The following PRR5L variants were observed in gnomAD, a reference collection of about 807,000 sequenced individuals.
The protein encoded by PRR5L is proline-rich protein 5-like.
In PRR5L, 21 loss-of-function variants were observed where a neutral mutation model predicts 36.4. That is an observed-to-expected ratio of 0.58 (90% CI 0.41 to 0.83). PRR5L has a LOEUF of 0.83. Ranked by LOEUF, PRR5L falls within the 40% of genes least tolerant of loss-of-function variation. The pLI is 0.00. For missense variants in PRR5L, 381 were observed against 473.3 expected, an observed-to-expected ratio of 0.80 and a Z score of 1.81; for synonymous variants, 188 against 197.0, an observed-to-expected ratio of 0.95 and a Z score of 0.38.
intron 7 of PRR5L, among the ~76,000 whole-genome samples, chr11:36,447,943 T>G (rs1304836550): frequency 6.6e-6 from 1 of 152,166 alleles, no homozygotes; most frequent in Non-Finnish European, 1.5e-5. Context: ...ATGAGCCCTT[T>G]GGGATTCTGA....
intron 1 of PRR5L, among the ~76,000 whole-genome samples, chr11:36,348,754 T>A (rs1856892440): frequency 6.6e-6 from 1 of 152,154 alleles, no homozygotes; most frequent in Non-Finnish European, 1.5e-5. Flanking sequence ...GTGCCAGATG[T>A]CTTCACAGAT....
At chr11:36,307,074 AG>A (rs1464542613) in intron 1 of PRR5L, among the ~76,000 whole-genome samples, 1 of 152,178 alleles carries the variant, frequency 6.6e-6, no homozygotes, top group East Asian at 1.9e-4. Context: ...AGAAACGGCC[AG>A]GGGGCGACAA....
chr11:36,309,817 A>G (rs553996938), intron 1 of PRR5L, among the ~76,000 whole-genome samples: 2 of 152,194 alleles, frequency 1.3e-5, no homozygotes, highest in South Asian at 4.1e-4. Context: ...AGACTCATCC[A>G]TACTCAACAA....
At chr11:36,340,843 A>T (rs1346846276) in intron 1 of PRR5L, among the ~76,000 whole-genome samples, 1 of 152,216 alleles carries the variant, frequency 6.6e-6, no homozygotes, top group Non-Finnish European at 1.5e-5. Flanking sequence ...AACAAAGTTG[A>T]ACTTGCACTA....
At chr11:36,310,769 T>G (rs928545445) in intron 1 of PRR5L, among the ~76,000 whole-genome samples, 1 of 151,684 alleles carries the variant, frequency 6.6e-6, no homozygotes, top group Admixed American at 6.6e-5. Context: ...GGGGCCGAGG[T>G]GGGCAGATTA....
intron 1 of PRR5L, among the ~76,000 whole-genome samples, chr11:36,378,251 C>T (rs759360731): frequency 5.3e-5 from 8 of 152,112 alleles, no homozygotes; most frequent in African/African-American, 1.7e-4. Flanking sequence ...AAATTTAGCC[C>T]CTGGTAAGGT....
At chr11:36,372,637 A>G (rs938230449) in intron 1 of PRR5L, among the ~76,000 whole-genome samples, 3 of 152,076 alleles carry the variant, frequency 2.0e-5, no homozygotes, top group Non-Finnish European at 4.4e-5. Flanking sequence ...GTAACAAGAG[A>G]AGCAGGGAGT....
intron 1 of PRR5L, among the ~76,000 whole-genome samples, chr11:36,340,864 C>A (rs1377744516): frequency 1.3e-5 from 2 of 152,160 alleles, no homozygotes; most frequent in Admixed American, 6.5e-5. Context: ...GAGATGGGGG[C>A]AATCAAAGGA....
At chr11:36,341,377 C>G (rs1856815495) in intron 1 of PRR5L, among the ~76,000 whole-genome samples, 1 of 152,160 alleles carries the variant, frequency 6.6e-6, no homozygotes, top group African/African-American at 2.4e-5. Context: ...AAAGACCAAC[C>G]TGAGAGCTGA....
At chr11:36,453,987 G>A (rs772378878) in intron 8 of PRR5L, 7 of 152,892 alleles carry the variant, frequency 4.6e-5, no homozygotes, top group Non-Finnish European at 7.3e-5. Context: ...GAAGCTGATG[G>A]CAAGGGGAGC....
At chr11:36,378,648 G>C (rs1490256190) in intron 1 of PRR5L, among the ~76,000 whole-genome samples, 2 of 152,104 alleles carry the variant, frequency 1.3e-5, no homozygotes, top group Non-Finnish European at 1.5e-5. Context: ...ATTTCTGTGG[G>C]TGAAATTTCA....
At chr11:36,397,249 C>G (rs374566203) in intron 1 of PRR5L, among the ~76,000 whole-genome samples, 1 of 149,932 alleles carries the variant, frequency 6.7e-6, no homozygotes, top group Non-Finnish European at 1.5e-5. Flanking sequence ...TATTTTTAGT[C>G]GAGACAGGGT....
chr11:36,392,693 T>C (rs573904330), intron 1 of PRR5L, among the ~76,000 whole-genome samples: 1 of 152,052 alleles, frequency 6.6e-6, no homozygotes, highest in African/African-American at 2.4e-5. Flanking sequence ...CTTACAATCA[T>C]GGGGGAAGGC....
chr11:36,340,575 C>G (rs12364550), intron 1 of PRR5L, among the ~76,000 whole-genome samples: 35,940 of 152,106 alleles, frequency 0.24, 5,902 homozygotes, highest in African/African-American at 0.46. Context: ...TGGGGCCACA[C>G]TAGTAGTGAA....
In PRR5L at chr11:36,309,990, C is replaced by T. The variant is rs1000176085; in HGVS notation, c.-126+13552C>T. Among the ~76,000 whole-genome samples, 203 of 152,404 alleles carry T rather than the reference C, an allele frequency of 1.3e-3. 2 individuals are homozygous for T. The highest frequency in any genetic ancestry group is 6.5e-4 in the Non-Finnish European group (44 of 68,036). The stretch of plus-strand genomic sequence containing the variant: ...ACCACCACCACCATCATCCCCACTA[C>T]GACCACCACCATCACTATTAGAGCA... On this transcript the variant is annotated intron_variant, in intron 1 of 8. Transcript: ENST00000530639.
chr11:36,405,701 AG>A (rs1329717615), intron 3 of PRR5L, among the ~76,000 whole-genome samples: 1 of 152,240 alleles, frequency 6.6e-6, no homozygotes, highest in East Asian at 1.9e-4. Context: ...CAAATACCAT[AG>A]ACTGGATGAC....
chr11:36,405,673 C>T (rs1221001270), intron 3 of PRR5L, among the ~76,000 whole-genome samples: 1 of 152,230 alleles, frequency 6.6e-6, no homozygotes, highest in Non-Finnish European at 1.5e-5. Context: ...CTGTAGTAGT[C>T]TACCGGGGCT....
chr11:36,446,176 C>A, intron 6 of PRR5L, 124 bp from the exon 7 acceptor site: 1 of 1,024,156 alleles, frequency 9.8e-7, no homozygotes, highest in Non-Finnish European at 1.4e-6. Context: ...GACACACTGG[C>A]CCTTGCAGAC....
At chr11:36,421,378 C>A (rs1464371921) in intron 4 of PRR5L, among the ~76,000 whole-genome samples, 1 of 152,160 alleles carries the variant, frequency 6.6e-6, no homozygotes, top group Non-Finnish European at 1.5e-5. Context: ...CAACTAATAA[C>A]CACTTGTCAT....
Sources: allele counts gnomAD v4.1 joint callset (sites outside exome capture counted in the v4.1 genomes callset), GRCh38; gene constraint gnomAD v4.1.1; transcripts MANE v1.5; gene names NCBI Gene and HGNC (gene_info 2026-07-23, HGNC 2026-07-21).